Variants in HDAC3 observed in about 807,000 individuals in gnomAD.
HDAC3 encodes the protein SMAP45.
In HDAC3, 21 loss-of-function variants were observed where a neutral mutation model predicts 62.3. The observed-to-expected ratio is 0.34, with a 90% CI of 0.24 to 0.49. The LOEUF is 0.49. HDAC3 is among the 20% of genes least tolerant of loss of function. The pLI, the probability that HDAC3 is intolerant of heterozygous loss-of-function variation, is 0.99. For missense variants in HDAC3, 270 were observed against 556.9 expected (o/e 0.48, Z 5.19); for synonymous variants, 198 against 206.5 (o/e 0.96, Z 0.35).
rs760994209 is a variant in HDAC3, at chr5:141,621,425, A to G, written c.*43T>C. 3.4e-5 allele frequency: 53 copies of G among 1,561,408 alleles called. No homozygotes were observed. The highest frequency in any genetic ancestry group is 8.8e-7 in the Non-Finnish European group (1 of 1,132,214). On this transcript the variant is annotated 3_prime_UTR_variant, in exon 15 of 15. Transcript: ENST00000305264. ...TCCTTTTCCCTCCAGCCCAACCAAG[A>G]GGTGAAAAGAAATTCCTTGGGACAC...
At position 141,626,048 on chromosome 5, in the gene HDAC3, AC is replaced by A; in HGVS notation, c.943del (p.Val315Ter). 6.2e-7 allele frequency: 1 copy of A among 1,614,090 alleles called. No homozygotes were observed. The highest frequency in any genetic ancestry group is 8.5e-7 in the Non-Finnish European group (1 of 1,179,998). ...RCWTYETSLL[V>X]EEAISEELPY... ...AAGCTCCTCACTAATGGCCTCTTCTACCAGCAGCGATGTCTCATATGTCCTG... is the reference window on the plus strand; with the variant it reads ...AAGCTCCTCACTAATGGCCTCTTCTACAGCAGCGATGTCTCATATGTCCTG... On this transcript the variant is annotated frameshift_variant, in exon 12 of 15. Coordinates refer to ENST00000305264, the MANE Select transcript of HDAC3 (RefSeq NM_003883.4). LOFTEE classifies it high-confidence loss of function. The surrounding 1 kb of genome is among the most constrained non-coding windows in gnomAD (Gnocchi z 4.6).
intron 3 of HDAC3, 108 bp downstream of exon 3, chr5:141,634,703 G>A: frequency 2.0e-6 from 2 of 985,504 alleles, no homozygotes; most frequent in East Asian, 2.5e-5. Context: ...GAATTATGAT[G>A]CATTGACAAG....
intron 14 of HDAC3, 109 bp from the exon 15 acceptor site, chr5:141,621,646 T>C: frequency 1.2e-6 from 1 of 805,358 alleles, no homozygotes; most frequent in East Asian, 2.5e-5. Context: ...ACTCCTCCTC[T>C]TGTTGGTAGA....
chr5:141,626,191 C>T lies in HDAC3; in HGVS notation c.920+3G>A, dbSNP rs1276260518. The T allele has an allele frequency of 6.2e-7, 1 of 1,613,816 alleles. No homozygotes were observed. Among genetic ancestry groups the T allele is most frequent in the Non-Finnish European group, 8.5e-7 (1 of 1,179,716 alleles). ...CAGGGGAGGAAATCAGGAGAGTGCT[C>T]ACCAGCAGCGGGCAACATTTCGGAC... On this transcript the variant is annotated splice_donor_region_variant and intron_variant, in intron 11 of 14. Coordinates refer to ENST00000305264, the MANE Select transcript of HDAC3 (RefSeq NM_003883.4). This position sits in a 1 kb window ranked among gnomAD's most constrained non-coding sequence, Gnocchi z 4.6.
Position 141,625,153 on chromosome 5 carries a change from T to C in HDAC3, c.1217+55A>G. ...ATACCTTCCCATTTACTTTTTCCCT[T>C]TTAAACCTCCCCAGCAAGCCTATTG... On this transcript the variant is annotated intron_variant, in intron 14 of 14. Coordinates refer to ENST00000305264, the MANE Select transcript of HDAC3 (RefSeq NM_003883.4). This position sits in a 1 kb window ranked among gnomAD's most constrained non-coding sequence, Gnocchi z 4.0. 1 of 1,530,540 alleles carries C rather than the reference T, an allele frequency of 6.5e-7. No homozygotes were observed. Among genetic ancestry groups the C allele is most frequent in the Non-Finnish European group, 8.8e-7 (1 of 1,141,168 alleles). 94.8% of individuals were successfully genotyped at this position (1,530,540 alleles called of 1,614,324 possible). A position where few individuals can be genotyped will look rare whatever the true frequency, so the allele number is the denominator to read the frequency against.
Position 141,626,185 on chromosome 5 carries a change from A to C in HDAC3, c.920+9T>G. 6.2e-7 allele frequency: 1 copy of C among 1,613,106 alleles called. No homozygotes were observed. Among genetic ancestry groups the C allele is most frequent in the South Asian group, 1.1e-5 (1 of 91,064 alleles). ...GGACAACAGGGGAGGAAATCAGGAG[A>C]GTGCTCACCAGCAGCGGGCAACATT... On this transcript the variant is annotated intron_variant, in intron 11 of 14. Transcript: ENST00000305264. The surrounding 1 kb of genome is among the most constrained non-coding windows in gnomAD (Gnocchi z 4.6).
chr5:141,624,238 AAT>A (rs1264655452), intron 14 of HDAC3, among the ~76,000 whole-genome samples: 1 of 151,448 alleles, frequency 6.6e-6, no homozygotes, highest in African/African-American at 2.4e-5. Flanking sequence ...TTTGGCAGCA[AAT>A]ATAAAAAATT....
chr5:141,624,400 A>T (rs1012074531), intron 14 of HDAC3, among the ~76,000 whole-genome samples: 2 of 144,630 alleles, frequency 1.4e-5, no homozygotes, highest in Non-Finnish European at 3.0e-5. Flanking sequence ...AAAAAAAAAA[A>T]AAAAAAATTA....
intron 3 of HDAC3, 144 bp downstream of exon 3, chr5:141,634,667 A>G: frequency 1.1e-6 from 1 of 888,880 alleles, no homozygotes; most frequent in African/African-American, 1.7e-5. Context: ...TGACCAATAA[A>G]TATTTATTGA....
At position 141,626,364 on chromosome 5, in the gene HDAC3, G is replaced by T; in HGVS notation, c.831-81C>A. ...TACCTTTAGGTATTGCCTGAAAGGAGCACAAGAAAACTATAAATGTTCTAA... is the reference window on the plus strand; with the variant it reads ...TACCTTTAGGTATTGCCTGAAAGGATCACAAGAAAACTATAAATGTTCTAA... On this transcript the variant is annotated intron_variant, in intron 10 of 14. Coordinates refer to ENST00000305264, the MANE Select transcript of HDAC3 (RefSeq NM_003883.4). This position sits in a 1 kb window ranked among gnomAD's most constrained non-coding sequence, Gnocchi z 4.6. The T allele has an allele frequency of 1.0e-6, 1 of 982,040 alleles. No individual in the cohort carries two copies. Among genetic ancestry groups the T allele is most frequent in the Non-Finnish European group, 1.6e-6 (1 of 624,296 alleles). The allele number at this position is 982,040 out of a possible 1,614,324, so 60.8% of individuals were successfully genotyped here. A position where few individuals can be genotyped will look rare whatever the true frequency, so the allele number is the denominator to read the frequency against.
intron 2 of HDAC3, among the ~76,000 whole-genome samples, chr5:141,635,685 A>G (rs376407194): frequency 6.6e-6 from 1 of 152,364 alleles, no homozygotes. Context: ...GATCACTGTA[A>G]CTTTAAACTC....
intron 2 of HDAC3, chr5:141,635,768 T>C (rs952332088): frequency 2.0e-5 from 3 of 152,212 alleles, no homozygotes; most frequent in African/African-American, 4.8e-5. Context: ...CGCACATGGC[T>C]ACTTTTTTTA....
chr5:141,625,741 C>T lies in HDAC3; in HGVS notation c.1003G>A (p.Asp335Asn). 6.2e-7 allele frequency: 1 copy of T among 1,614,128 alleles called. No individual in the cohort carries two copies. Among genetic ancestry groups the T allele is most frequent in the Non-Finnish European group, 8.5e-7 (1 of 1,180,008 alleles). Residue 335 changes from aspartate (D) to asparagine (N), a missense_variant, in exon 13 of 15, where the codon GAC becomes AAC. Asp to Asn is a conservative substitution (Grantham distance 23). Around this residue, in one of 5 missense-constraint regions of HDAC3, gnomAD observed 156 missense variants for 383.9 expected, o/e 0.41. Transcript: ENST00000305264. This position sits in a 1 kb window ranked among gnomAD's most constrained non-coding sequence, Gnocchi z 4.0. Reference protein sequence around the residue: ...YSEYFEYFAPDFTLHPDVSTR... With the variant: ...YSEYFEYFAPNFTLHPDVSTR... ...CTGACATCTGGATGAAGTGTGAAGT[C>T]TGGGGCAAAGTACTCGAAGTATTCT... is the stretch of plus-strand genomic sequence containing the variant.
At position 141,636,778 on chromosome 5, in the gene HDAC3, C is replaced by T; in HGVS notation, c.13G>A (p.Val5Met). 1 of 1,612,152 alleles carries T rather than the reference C, an allele frequency of 6.2e-7. No individual in the cohort carries two copies. Among genetic ancestry groups the T allele is most frequent in the Non-Finnish European group, 8.5e-7 (1 of 1,178,842 alleles). ...ACGTCGGGGTCGTAGAAATAGGCCA[C>T]GGTCTTGGCCATGGTGCCGGCGGGA... MAKT[V>M]AYFYDPDVGN... The change falls in exon 1 of 15, where the codon GTG (valine) becomes ATG (methionine). Residue 5 changes from valine (V) to methionine (M), a missense_variant. Around this residue, in one of 5 missense-constraint regions of HDAC3, gnomAD observed 22 missense variants for 21.3 expected, o/e 1.03. Transcript: ENST00000305264.
rs1351728729 is a variant in HDAC3 at position 141,626,593 on chromosome 5, G to A, written c.831-310C>T. On this transcript the variant is annotated intron_variant, in intron 10 of 14. Coordinates refer to ENST00000305264, the MANE Select transcript of HDAC3 (RefSeq NM_003883.4). The surrounding 1 kb of genome is among the most constrained non-coding windows in gnomAD (Gnocchi z 4.6). ...TTCTAGCCTTGAAAATATAACTCACGCCCGGCGCGGTGCTCACGCCTTTGT... is the reference window on the plus strand; with the variant it reads ...TTCTAGCCTTGAAAATATAACTCACACCCGGCGCGGTGCTCACGCCTTTGT... 7 of 356,598 alleles carry A rather than the reference G, an allele frequency of 2.0e-5. No individual in the cohort carries two copies. The highest frequency in any genetic ancestry group is 1.8e-4 in the South Asian group (7 of 39,794). 22.1% of individuals were successfully genotyped at this position (356,598 alleles called of 1,614,324 possible).
intron 3 of HDAC3, among the ~76,000 whole-genome samples, chr5:141,633,491 T>C (rs952889582): frequency 1.3e-5 from 2 of 152,104 alleles, no homozygotes; most frequent in Non-Finnish European, 2.9e-5. Flanking sequence ...GGATCTGCTT[T>C]AAAACAATCT....
rs2099904340 is a variant in HDAC3 at position 141,625,689 on chromosome 5, C to T, written c.1055G>A (p.Arg352His). Reference protein sequence around the residue: ...VSTRIENQNSRQYLDQIRQTI... With the variant: ...VSTRIENQNSHQYLDQIRQTI... ...CAGCTTTTCTGAGCTGCTGACCTGG[C>T]GTGAGTTCTGATTCTCGATGCGGGT... Residue 352 changes from arginine to histidine, a missense_variant, in exon 13 of 15, where the codon CGC becomes CAC. Physicochemically the swap from Arg to His is conservative, Grantham distance 29. This residue lies in a region of HDAC3 where 156 missense variants were observed against 383.9 expected (regional missense o/e 0.41). Coordinates refer to ENST00000305264, the MANE Select transcript of HDAC3 (RefSeq NM_003883.4). This position sits in a 1 kb window ranked among gnomAD's most constrained non-coding sequence, Gnocchi z 4.0. 3.7e-6 allele frequency: 6 copies of T among 1,614,014 alleles called. No individual in the cohort carries two copies. The highest frequency in any genetic ancestry group is 5.1e-6 in the Non-Finnish European group (6 of 1,179,908).
chr5:141,621,258 C>G lies in HDAC3; in HGVS notation c.*210G>C, dbSNP rs776270481. 7 of 568,056 alleles carry G rather than the reference C, an allele frequency of 1.2e-5. No homozygotes were observed. The highest frequency in any genetic ancestry group is 1.9e-5 in the African/African-American group (1 of 52,638). 35.2% of individuals were successfully genotyped at this position (568,056 alleles called of 1,614,324 possible). A position where few individuals can be genotyped will look rare whatever the true frequency, so the allele number is the denominator to read the frequency against. On this transcript the variant is annotated 3_prime_UTR_variant, in exon 15 of 15. Transcript: ENST00000305264. Reference sequence around the variant, plus strand: ...CCCAGATAGCTATCCTTGTCTGTATCTCATCCCTAATAGGTACCATTGTCA... The same window carrying G: ...CCCAGATAGCTATCCTTGTCTGTATGTCATCCCTAATAGGTACCATTGTCA...
In HDAC3 at chr5:141,626,124, A is replaced by G. The variant is rs1376947800; in HGVS notation, c.921-53T>C. 7 of 1,604,734 alleles carry G rather than the reference A, an allele frequency of 4.4e-6. No individual in the cohort carries two copies. The highest frequency in any genetic ancestry group is 6.0e-6 in the Non-Finnish European group (7 of 1,171,540). On this transcript the variant is annotated intron_variant, in intron 11 of 14. Transcript: ENST00000305264. This position sits in a 1 kb window ranked among gnomAD's most constrained non-coding sequence, Gnocchi z 4.6. ...GCTGACCAAGTGGGCTGAAGGACCCATGTGGCCATATCTGAGGGACACCCT... is the reference window on the plus strand; with the variant it reads ...GCTGACCAAGTGGGCTGAAGGACCCGTGTGGCCATATCTGAGGGACACCCT...
Sources: gnomAD v4.1 joint callset for allele counts (sites outside exome capture counted in the v4.1 genomes callset) on GRCh38, gnomAD v4.1.1 for gene constraint, gnomAD v4.1.1 regional missense constraint, Gnocchi (gnomAD v3.1) non-coding constraint, MANE v1.5 for transcripts, NCBI Gene and HGNC (gene_info 2026-07-23, HGNC 2026-07-21) for gene names.